Variants in COMMD10 observed in about 807,000 individuals in gnomAD.
COMMD10 encodes COMM domain-containing protein 10.
In COMMD10, 33 loss-of-function variants were observed where a neutral mutation model predicts 28.9. The ratio of observed to expected loss-of-function variants is 1.14; its 90% CI spans 0.87 to 1.53. COMMD10 has a LOEUF of 1.53. Ranked by LOEUF, COMMD10 falls within the 40% of genes most tolerant of loss-of-function variation. The probability of loss-of-function intolerance (pLI) is 0.00; values close to 1 mark genes in which losing one functional copy is unlikely to be tolerated. For missense variants in COMMD10, 310 were observed against 233.4 expected (o/e 1.33, Z -2.14); for synonymous variants, 110 against 81.7 (o/e 1.35, Z -1.87).
chr5:116,179,470 G>A (rs539695795), intron 5 of COMMD10, among the ~76,000 whole-genome samples: 5 of 152,160 alleles, frequency 3.3e-5, no homozygotes, highest in East Asian at 1.9e-4. Context: ...TGTGTGGAAT[G>A]GGCTTGATTC....
At chr5:116,132,292 C>G (rs6898524) in intron 4 of COMMD10, among the ~76,000 whole-genome samples, 15,756 of 152,016 alleles carry the variant, frequency 0.1, 1,107 homozygotes, top group African/African-American at 0.19. Flanking sequence ...ATCAGTAACC[C>G]AGAAAAGTAG....
chr5:116,219,332 A>C (rs985517471), intron 5 of COMMD10, among the ~76,000 whole-genome samples: 1 of 152,132 alleles, frequency 6.6e-6, no homozygotes, highest in Non-Finnish European at 1.5e-5. Context: ...GTAGTAGTGC[A>C]GTAGGCGGAA....
chr5:116,210,360 A>G (rs923434191), intron 5 of COMMD10, among the ~76,000 whole-genome samples: 3 of 151,790 alleles, frequency 2.0e-5, no homozygotes, highest in Non-Finnish European at 4.4e-5. Context: ...AAGCACACAT[A>G]TACAGGCATA....
At chr5:116,176,839 A>C (rs1753528800) in intron 5 of COMMD10, among the ~76,000 whole-genome samples, 1 of 152,186 alleles carries the variant, frequency 6.6e-6, no homozygotes, top group Non-Finnish European at 1.5e-5. Context: ...AAGAATTAGA[A>C]AGCTATGATA....
chr5:116,281,110 A>G (rs804199), intron 5 of COMMD10, among the ~76,000 whole-genome samples: 39,356 of 151,672 alleles, frequency 0.26, 6,609 homozygotes, highest in Non-Finnish European at 0.37. Flanking sequence ...AAGCTAAGCA[A>G]TGTAAATTTG....
In COMMD10 at chr5:116,149,307, A is replaced by C. The variant is rs1368540074; in HGVS notation, c.510+15129A>C. Among the ~76,000 whole-genome samples the C allele has an allele frequency of 3.5e-5, 5 of 144,176 alleles. No individual in the cohort carries two copies. The East Asian group carries it at 1.0e-3, about 29-fold the overall frequency. 94.6% of individuals were successfully genotyped at this position (144,176 alleles called of 152,430 possible). A position where few individuals can be genotyped will look rare whatever the true frequency, so the allele number is the denominator to read the frequency against. Reference sequence around the variant, plus strand: ...TCTTTGCTATTGTGAATAGTGCCGCAATAAACATACGTGTGTGTGTGTCTT... The same window carrying C: ...TCTTTGCTATTGTGAATAGTGCCGCCATAAACATACGTGTGTGTGTGTCTT... On this transcript the variant is annotated intron_variant, in intron 5 of 6. Coordinates refer to ENST00000274458, the MANE Select transcript of COMMD10 (RefSeq NM_016144.4).
At chr5:116,247,124 A>G (rs1022236546) in intron 5 of COMMD10, among the ~76,000 whole-genome samples, 4 of 152,028 alleles carry the variant, frequency 2.6e-5, no homozygotes, top group Non-Finnish European at 4.4e-5. Context: ...ATTTCCAAAG[A>G]AAAAAACAAA....
intron 5 of COMMD10, among the ~76,000 whole-genome samples, chr5:116,245,895 G>A (rs185214817): frequency 2.6e-3 from 392 of 152,156 alleles, no homozygotes; most frequent in Non-Finnish European, 4.4e-3. Flanking sequence ...ATGAGCAAAA[G>A]CTGGAAGCAT....
At chr5:116,283,373 G>C (rs1751126167) in intron 5 of COMMD10, among the ~76,000 whole-genome samples, 1 of 150,114 alleles carries the variant, frequency 6.7e-6, no homozygotes, top group South Asian at 2.1e-4. Flanking sequence ...TTAAGACAGT[G>C]TCTTGCTCTG....
chr5:116,114,072 C>G (rs1249140579), intron 4 of COMMD10, among the ~76,000 whole-genome samples: 2 of 151,736 alleles, frequency 1.3e-5, no homozygotes, highest in Non-Finnish European at 2.9e-5. Context: ...CTGTGGATTC[C>G]TTTGTGTGTT....
chr5:116,252,493 G>A (rs1288890622), intron 5 of COMMD10, among the ~76,000 whole-genome samples: 2 of 102,680 alleles, frequency 1.9e-5, no homozygotes, highest in Admixed American at 2.0e-4. Context: ...GTAAGGAAGG[G>A]ATCCAGTTTC....
intron 5 of COMMD10, among the ~76,000 whole-genome samples, chr5:116,173,669 A>G (rs184561580): frequency 1.3e-3 from 201 of 152,176 alleles, no homozygotes; most frequent in Non-Finnish European, 1.8e-3. Flanking sequence ...GGTCTGTTCT[A>G]TGTCTTCAGT....
chr5:116,260,217 A>T (rs771733319), intron 5 of COMMD10, among the ~76,000 whole-genome samples: 1 of 151,862 alleles, frequency 6.6e-6, no homozygotes, highest in African/African-American at 2.4e-5. Flanking sequence ...GAGACTTATC[A>T]ACATATTATG....
intron 1 of COMMD10, among the ~76,000 whole-genome samples, chr5:116,086,204 A>G (rs970392559): frequency 6.6e-6 from 1 of 152,212 alleles, no homozygotes; most frequent in Non-Finnish European, 1.5e-5. Context: ...ATTTCTTGTC[A>G]TAGCTGAAGT....
intron 5 of COMMD10, among the ~76,000 whole-genome samples, chr5:116,224,577 C>T (rs1436964233): frequency 1.3e-5 from 2 of 152,092 alleles, no homozygotes; most frequent in African/African-American, 2.4e-5. Flanking sequence ...CGCGGTGCCG[C>T]ACTCTTTTAA....
At chr5:116,165,855 C>T (rs1405486401) in intron 5 of COMMD10, among the ~76,000 whole-genome samples, 1 of 152,150 alleles carries the variant, frequency 6.6e-6, no homozygotes, top group Non-Finnish European at 1.5e-5. Flanking sequence ...TGCAACTACA[C>T]TGCTGTTTAG....
chr5:116,140,858 GC>G (rs144974215), intron 5 of COMMD10, among the ~76,000 whole-genome samples: 2,412 of 151,840 alleles, frequency 0.016, 64 homozygotes, highest in African/African-American at 0.056. Flanking sequence ...TATGTGGTTT[GC>G]AAATTTTTCT....
Position 116,234,559 on chromosome 5 carries a change from CTGCT to C in COMMD10, c.511-56955_511-56952del, listed in dbSNP as rs545705957. On this transcript the variant is annotated intron_variant, in intron 5 of 6. Coordinates refer to ENST00000274458, the MANE Select transcript of COMMD10 (RefSeq NM_016144.4). ...ACAGGTAAATCATGAATGATGTAGA[CTGCT>C]TGTGCCAGTATATTTGAAGTAAAGT... Among the ~76,000 whole-genome samples, 392 of 152,164 alleles carry C rather than the reference CTGCT, an allele frequency of 2.6e-3. 1 individual carries two copies. The highest frequency in any genetic ancestry group is 4.4e-3 in the Non-Finnish European group (300 of 68,000).
chr5:116,141,351 G>A (rs1056096175), intron 5 of COMMD10, among the ~76,000 whole-genome samples: 7 of 151,706 alleles, frequency 4.6e-5, no homozygotes, highest in African/African-American at 1.7e-4. Flanking sequence ...TTTAAAATTA[G>A]GAAGTGTGAT....
Sources: gnomAD v4.1 joint callset for allele counts (sites outside exome capture counted in the v4.1 genomes callset) on GRCh38, gnomAD v4.1.1 for gene constraint, MANE v1.5 for transcripts, NCBI Gene and HGNC (gene_info 2026-07-23, HGNC 2026-07-21) for gene names.